The following FGF14 variants were observed in gnomAD, a reference collection of about 807,000 sequenced individuals.
FGF14 encodes the protein fibroblast growth factor 14.
In FGF14, 5 loss-of-function variants were observed where a neutral mutation model predicts 25.5. The observed-to-expected ratio is 0.20, with a 90% CI of 0.10 to 0.41. The LOEUF (loss-of-function observed/expected upper bound fraction) is 0.41, where lower values mean the gene tolerates loss of function less well. Ranked by LOEUF, FGF14 falls within the 10% of genes least tolerant of loss-of-function variation. FGF14 has a pLI of 1.00. For synonymous variants in FGF14, 138 were observed against 118.3 expected (o/e 1.17, Z -1.08); for missense variants, 222 against 320.1 (o/e 0.69, Z 2.34).
chr13:102,251,541 GTT>G (rs1395775992), intron 1 of FGF14, among the ~76,000 whole-genome samples: 1 of 152,136 alleles, frequency 6.6e-6, no homozygotes, highest in African/African-American at 2.4e-5. Context: ...AGACAGTAAA[GTT>G]TGTACACTGC....
At chr13:101,952,424 TTC>T (rs2036229326) in intron 1 of FGF14, among the ~76,000 whole-genome samples, 1 of 152,022 alleles carries the variant, frequency 6.6e-6, no homozygotes, top group Non-Finnish European at 1.5e-5. Flanking sequence ...TTTTTTTTTT[TTC>T]TGTCTTTATT....
chr13:102,099,814 A>C (rs1411537302), intron 1 of FGF14, among the ~76,000 whole-genome samples: 1 of 152,112 alleles, frequency 6.6e-6, no homozygotes, highest in African/African-American at 2.4e-5. Context: ...ATATTAATAA[A>C]ATAATAATGA....
chr13:102,283,886 G>T (rs1290247603), intron 1 of FGF14, among the ~76,000 whole-genome samples: 1 of 152,142 alleles, frequency 6.6e-6, no homozygotes, highest in African/African-American at 2.4e-5. Context: ...TCTGTAAAAT[G>T]AAAATAATGC....
At chr13:101,845,532 T>C (rs181799987) in intron 3 of FGF14, among the ~76,000 whole-genome samples, 2 of 151,892 alleles carry the variant, frequency 1.3e-5, no homozygotes, top group East Asian at 2.0e-4. Flanking sequence ...AAGCACAACA[T>C]GGAGACAGGA....
intron 3 of FGF14, among the ~76,000 whole-genome samples, chr13:101,792,924 C>G (rs2040320623): frequency 6.6e-6 from 1 of 151,910 alleles, no homozygotes; most frequent in African/African-American, 2.4e-5. Context: ...AAGTACAAAG[C>G]AATGTTATGA....
At chr13:101,935,225 T>A (rs977796589) in intron 1 of FGF14, among the ~76,000 whole-genome samples, 1 of 152,220 alleles carries the variant, frequency 6.6e-6, no homozygotes, top group Admixed American at 6.5e-5. Context: ...GAGAGCAGTA[T>A]CCTCCTTTCT....
At chr13:101,921,408 G>C (rs535359860), upstream of FGF14, among the ~76,000 whole-genome samples, 1 of 152,202 alleles carries the variant, frequency 6.6e-6, no homozygotes, top group African/African-American at 2.4e-5. Context: ...TCTTAAACCT[G>C]TTCTTCCAAT....
At chr13:102,180,065 G>C (rs1026877792) in intron 1 of FGF14, among the ~76,000 whole-genome samples, 1 of 152,120 alleles carries the variant, frequency 6.6e-6, no homozygotes, top group African/African-American at 2.4e-5. Context: ...CTGGCAAACA[G>C]GGAGTTTCTG....
At chr13:102,233,868 T>C (rs1238699416) in intron 1 of FGF14, among the ~76,000 whole-genome samples, 2 of 152,250 alleles carry the variant, frequency 1.3e-5, no homozygotes, top group South Asian at 2.1e-4. Flanking sequence ...TGACTTTTAA[T>C]GTGCTTCTAA....
intron 1 of FGF14, among the ~76,000 whole-genome samples, chr13:102,341,607 T>TG (rs2056954213): frequency 6.6e-6 from 1 of 152,206 alleles, no homozygotes. Flanking sequence ...TTATTTGAAA[T>TG]ATTTGTATGA....
chr13:102,382,281 T>C (rs1267783973), intron 1 of FGF14, among the ~76,000 whole-genome samples: 4 of 151,970 alleles, frequency 2.6e-5, no homozygotes, highest in Non-Finnish European at 4.4e-5. Context: ...CTCTTACAAC[T>C]CAAAAATAGA....
rs10562341 is a variant in FGF14 at position 102,279,191 on chromosome 13, TATAG to T, written c.208+122276_208+122279del. On this transcript the variant is annotated intron_variant, in intron 1 of 4. Coordinates refer to the FGF14 transcript ENST00000376131. ...ACCTCTCTATACTTATGTATGTTTG[TATAG>T]ATAGATAGATAAATAGATGATAGAT... Among the ~76,000 whole-genome samples, 547 of 152,292 alleles carry T rather than the reference TATAG, an allele frequency of 3.6e-3. 1 individual carries two copies. The highest frequency in any genetic ancestry group is 0.012 in the African/African-American group (510 of 41,558).
intron 3 of FGF14, among the ~76,000 whole-genome samples, chr13:101,753,440 G>T (rs2037434857): frequency 6.6e-6 from 1 of 151,824 alleles, no homozygotes; most frequent in South Asian, 2.1e-4. Flanking sequence ...TTGCTTTTTT[G>T]GATTTTGTGG....
Position 102,103,284 on chromosome 13 carries a change from T to G in FGF14, c.209-227988A>C, listed in dbSNP as rs938182653. On this transcript the variant is annotated intron_variant, in intron 1 of 4. Coordinates refer to the FGF14 transcript ENST00000376131. Reference sequence around the variant, plus strand: ...TCTGGAAGCAAAGAAATCTCAAGTTTCTCAGTGGGTAATGAAAATAACTGT... The same window carrying G: ...TCTGGAAGCAAAGAAATCTCAAGTTGCTCAGTGGGTAATGAAAATAACTGT... 2.6e-5 allele frequency among the ~76,000 whole-genome samples: 4 copies of G among 151,982 alleles called. No homozygotes were observed. In the East Asian group the frequency reaches 5.8e-4, roughly 22 times the overall value.
At chr13:102,205,822 T>C (rs1427640904) in intron 1 of FGF14, among the ~76,000 whole-genome samples, 1 of 147,398 alleles carries the variant, frequency 6.8e-6, no homozygotes, top group African/African-American at 2.5e-5. Flanking sequence ...GGAGCCCCTA[T>C]GCAAAATGGG....
intron 3 of FGF14, among the ~76,000 whole-genome samples, chr13:101,800,888 C>T (rs2040834056): frequency 6.6e-6 from 1 of 152,104 alleles, no homozygotes; most frequent in Non-Finnish European, 1.5e-5. Context: ...GGTGATCGTC[C>T]AGATTTCAGG....
intron 1 of FGF14, among the ~76,000 whole-genome samples, chr13:102,106,437 G>A (rs1378973488): frequency 6.6e-6 from 1 of 152,012 alleles, no homozygotes; most frequent in African/African-American, 2.4e-5. Context: ...AGCCAGGCAC[G>A]GTGGTGGATG....
chr13:101,739,984 G>T (rs2036436008), intron 3 of FGF14, among the ~76,000 whole-genome samples: 1 of 152,148 alleles, frequency 6.6e-6, no homozygotes, highest in South Asian at 2.1e-4. Flanking sequence ...TTCAGGCATT[G>T]TATAAAAGAA....
At chr13:102,331,304 T>C (rs2056626478) in intron 1 of FGF14, among the ~76,000 whole-genome samples, 1 of 151,762 alleles carries the variant, frequency 6.6e-6, no homozygotes, top group Non-Finnish European at 1.5e-5. Flanking sequence ...CCTAAAGACA[T>C]AGTTTCAGCT....
Sources: gnomAD v4.1 joint callset for allele counts (sites outside exome capture counted in the v4.1 genomes callset) on GRCh38, gnomAD v4.1.1 for gene constraint, MANE v1.5 for transcripts, NCBI Gene and HGNC (gene_info 2026-07-23, HGNC 2026-07-21) for gene names.